Variants in OSBPL5 observed in about 807,000 individuals in gnomAD.
The protein encoded by OSBPL5 is oxysterol-binding protein-related protein 5.
A neutral mutation model predicts 111.2 loss-of-function variants in OSBPL5; 71 were observed. The ratio of observed to expected loss-of-function variants is 0.64; its 90% CI spans 0.53 to 0.78. OSBPL5 has a LOEUF of 0.78. Among genes scored for constraint, OSBPL5 ranks in the 30% least tolerant of loss-of-function variants. The pLI is 0.00. For missense variants in OSBPL5, 1,210 were observed against 1,189.3 expected (o/e 1.02, Z -0.26); for synonymous variants, 549 against 513.9 (o/e 1.07, Z -0.93).
intron 1 of OSBPL5, among the ~76,000 whole-genome samples, chr11:3,129,693 C>T (rs1015852556): frequency 6.6e-5 from 10 of 152,182 alleles, no homozygotes; most frequent in Non-Finnish European, 1.2e-4. Context: ...CTAAGGGTCC[C>T]AGGAGCGCCT....
chr11:3,134,127 A>G (rs1845888118), intron 1 of OSBPL5, among the ~76,000 whole-genome samples: 6 of 152,320 alleles, frequency 3.9e-5, no homozygotes, highest in Admixed American at 3.9e-4. Flanking sequence ...AGTCCAAGTC[A>G]GCCACAACCC....
chr11:3,156,417 G>A (rs1590735723), intron 1 of OSBPL5, among the ~76,000 whole-genome samples: 1 of 152,320 alleles, frequency 6.6e-6, no homozygotes, highest in Middle Eastern at 3.4e-3. Context: ...CAGAAAGAAG[G>A]ATGTGAGCGG....
At chr11:3,128,719 T>C (rs971548509) in intron 2 of OSBPL5, among the ~76,000 whole-genome samples, 1 of 152,122 alleles carries the variant, frequency 6.6e-6, no homozygotes, top group African/African-American at 2.4e-5. Flanking sequence ...CTGCACTCCA[T>C]AACTCCCAAA....
At chr11:3,129,814 C>T (rs11025533) in intron 1 of OSBPL5, among the ~76,000 whole-genome samples, 53,478 of 152,166 alleles carry the variant, frequency 0.35, 10,465 homozygotes, top group Non-Finnish European at 0.42. Context: ...GGCACACCTG[C>T]GTCCACGCCC....
rs975948807 is a variant in OSBPL5 at position 3,142,912 on chromosome 11, C to T, written c.-21-13743G>A. ...GTCACCCAGGACAGCGGACGGCACA[C>T]GGGGTGGGGGTGTGTGAGCAGAGAC... On this transcript the variant is annotated intron_variant, in intron 1 of 21. Transcript: ENST00000263650. The surrounding 1 kb of genome is among the most constrained non-coding windows in gnomAD (Gnocchi z 7.1). Among the ~76,000 whole-genome samples, 4 of 150,508 alleles carry T rather than the reference C, an allele frequency of 2.7e-5. No homozygotes were observed. The highest frequency in any genetic ancestry group is 5.9e-5 in the Non-Finnish European group (4 of 67,764).
In OSBPL5 at chr11:3,126,280, A is replaced by G. The variant is rs1383502149; in HGVS notation, c.219+193T>C. Among the ~76,000 whole-genome samples the G allele has an allele frequency of 1.3e-5, 2 of 152,222 alleles. No individual in the cohort carries two copies. The highest frequency in any genetic ancestry group is 2.9e-5 in the Non-Finnish European group (2 of 68,036). On this transcript the variant is annotated intron_variant, in intron 3 of 21. Transcript: ENST00000263650. The surrounding 1 kb of genome is among the most constrained non-coding windows in gnomAD (Gnocchi z 6.5). ...CGGAAGCATTTTTCATGACAGCTAT[A>G]TGGTGAAAACAGCCCAAATATCCAC...
In OSBPL5 at chr11:3,121,902, T is replaced by G; in HGVS notation, c.402+95A>C. Reference sequence around the variant, plus strand: ...AACGGCTAGATGCAGGGAAGTGAATTTCCATCGTTTCAGGCCACCTGGTTT... The same window carrying G: ...AACGGCTAGATGCAGGGAAGTGAATGTCCATCGTTTCAGGCCACCTGGTTT... On this transcript the variant is annotated intron_variant, in intron 5 of 21. Coordinates refer to ENST00000263650, the MANE Select transcript of OSBPL5 (RefSeq NM_020896.4). The surrounding 1 kb of genome is among the most constrained non-coding windows in gnomAD (Gnocchi z 4.3). The G allele has an allele frequency of 8.9e-7, 1 of 1,120,942 alleles. No individual in the cohort carries two copies. The highest frequency in any genetic ancestry group is 2.6e-5 in the East Asian group (1 of 38,526). The allele number at this position is 1,120,942 out of a possible 1,614,324, so 69.4% of individuals were successfully genotyped here. A position where few individuals can be genotyped will look rare whatever the true frequency, so the allele number is the denominator to read the frequency against.
At chr11:3,091,152 G>A (rs547736879) in intron 19 of OSBPL5, among the ~76,000 whole-genome samples, 68 of 152,368 alleles carry the variant, frequency 4.5e-4, no homozygotes, top group African/African-American at 1.6e-3. Context: ...ATCTCCAGGG[G>A]GGAACCCCCA....
rs1857759015 is a variant in OSBPL5 at position 3,107,749 on chromosome 11, C to G, written c.866+22G>C. ...GAGACCCCGTGAATCACCACCAGCCCCTGTGCCCTCGCCCCACTCACGGGA... is the reference window on the plus strand; with the variant it reads ...GAGACCCCGTGAATCACCACCAGCCGCTGTGCCCTCGCCCCACTCACGGGA... On this transcript the variant is annotated intron_variant, in intron 8 of 21. Coordinates refer to ENST00000263650, the MANE Select transcript of OSBPL5 (RefSeq NM_020896.4). The surrounding 1 kb of genome is among the most constrained non-coding windows in gnomAD (Gnocchi z 6.1). 1 of 1,608,520 alleles carries G rather than the reference C, an allele frequency of 6.2e-7. No individual in the cohort carries two copies. Among genetic ancestry groups the G allele is most frequent in the Non-Finnish European group, 8.5e-7 (1 of 1,179,354 alleles).
chr11:3,129,053 C>A lies in OSBPL5; in HGVS notation c.96G>T (p.Leu32Phe), dbSNP rs1478716543. Residue 32 changes from leucine (L) to phenylalanine (F), a missense_variant, in exon 2 of 22, where the codon TTG becomes TTT. By Grantham distance (22) the Leu-to-Phe change is conservative (BLOSUM62 0). Coordinates refer to ENST00000263650, the MANE Select transcript of OSBPL5 (RefSeq NM_020896.4). ...AGAGCTCATTGTCTCCGCTGAGGAG[C>A]AAGTTCCGGGTGAGCTTCCGGGGGT... ...KVDPRKLTRNLLLSGDNELYP... is the reference protein window; with the variant it reads ...KVDPRKLTRNFLLSGDNELYP... The A allele has an allele frequency of 1.9e-6, 3 of 1,587,802 alleles. No individual in the cohort carries two copies. The East Asian group carries it at 7.1e-5, about 38-fold the overall frequency.
At position 3,126,586 on chromosome 11, in the gene OSBPL5, G is replaced by A. The variant is rs759909204; in HGVS notation, c.137-31C>T. On this transcript the variant is annotated intron_variant, in intron 2 of 21. Coordinates refer to ENST00000263650, the MANE Select transcript of OSBPL5 (RefSeq NM_020896.4). This position sits in a 1 kb window ranked among gnomAD's most constrained non-coding sequence, Gnocchi z 6.5. ...AGAGAGCAGTGGGAGTGAGGACCCA[G>A]GCATGGTGGCGTGGCCAGGCTTCTC... The A allele has an allele frequency of 4.4e-6, 7 of 1,583,194 alleles. No individual in the cohort carries two copies. Among genetic ancestry groups the A allele is most frequent in the Non-Finnish European group, 6.0e-6 (7 of 1,165,308 alleles).
chr11:3,102,370 G>A (rs1857490929), intron 11 of OSBPL5, 89 bp from the exon 12 acceptor site: 8 of 1,240,676 alleles, frequency 6.4e-6, no homozygotes, highest in East Asian at 2.6e-5. Flanking sequence ...GAGGGGCAGC[G>A]TGGGTGGGCT....
At chr11:3,093,098 A>T (rs1188755784) in intron 17 of OSBPL5, 46 bp from the exon 18 acceptor site, 1 of 1,452,994 alleles carries the variant, frequency 6.9e-7, no homozygotes, top group East Asian at 2.5e-5. Flanking sequence ...GGGCAGCCCG[A>T]CCCCTAGGCA....
At chr11:3,091,754 G>A (rs1458568540) in intron 19 of OSBPL5, among the ~76,000 whole-genome samples, 1 of 152,194 alleles carries the variant, frequency 6.6e-6, no homozygotes, top group Non-Finnish European at 1.5e-5. Context: ...CCCCCAGCTT[G>A]CTGGAGAAGT....
Position 3,165,029 on chromosome 11 carries a change from G to A in OSBPL5, c.-22+187C>T, listed in dbSNP as rs1237204156. Among the ~76,000 whole-genome samples the A allele has an allele frequency of 2.0e-5, 3 of 149,008 alleles. No homozygotes were observed. Among genetic ancestry groups the A allele is most frequent in the Non-Finnish European group, 3.0e-5 (2 of 67,190 alleles). ...AGCTCCCCAGCGCGCGACCGGCCCC[G>A]CGGCGTGGTTCCCCGCACTGGCTAC... is the stretch of plus-strand genomic sequence containing the variant. On this transcript the variant is annotated intron_variant, in intron 1 of 21. Transcript: ENST00000263650. The surrounding 1 kb of genome is among the most constrained non-coding windows in gnomAD (Gnocchi z 7.4).
At chr11:3,156,794 C>T (rs765527905) in intron 1 of OSBPL5, among the ~76,000 whole-genome samples, 2 of 152,258 alleles carry the variant, frequency 1.3e-5, no homozygotes, top group Non-Finnish European at 2.9e-5. Flanking sequence ...GGCCGAGGGC[C>T]GGCACCCACG....
chr11:3,093,873 G>T (rs775314952), intron 15 of OSBPL5, 38 bp from the exon 16 acceptor site: 22 of 1,585,710 alleles, frequency 1.4e-5, no homozygotes, highest in Non-Finnish European at 1.9e-5. Context: ...CAGTGAGCGG[G>T]GGCTGGGGCC....
intron 1 of OSBPL5, among the ~76,000 whole-genome samples, chr11:3,147,582 T>A (rs1246320372): frequency 6.6e-6 from 1 of 152,232 alleles, no homozygotes. Context: ...TGAACTCGAA[T>A]CGAGGCGCCA....
intron 7 of OSBPL5, 150 bp downstream of exon 7, chr11:3,119,397 C>T (rs11025457): frequency 0.22 from 156,210 of 701,420 alleles, 18,162 homozygotes; most frequent in African/African-American, 0.27. Context: ...GGCCTGACTC[C>T]GAGCCGGGCT....
Sources: gnomAD v4.1 joint callset for allele counts (sites outside exome capture counted in the v4.1 genomes callset) on GRCh38, gnomAD v4.1.1 for gene constraint, Gnocchi (gnomAD v3.1) non-coding constraint, MANE v1.5 for transcripts, NCBI Gene and HGNC (gene_info 2026-07-23, HGNC 2026-07-21) for gene names.